The following ZBTB5 variants were observed in gnomAD, a reference collection of about 807,000 sequenced individuals.
The protein encoded by ZBTB5 is zinc finger and BTB domain containing 5, also known as zinc finger and BTB domain-containing protein 5.
ZBTB5 carries 15 observed loss-of-function variants against 37.9 expected under a neutral mutation model. That is an observed-to-expected ratio of 0.40 (90% CI 0.26 to 0.61). ZBTB5 has a LOEUF of 0.61. Among genes scored for constraint, ZBTB5 ranks in the 20% least tolerant of loss-of-function variants. ZBTB5 has a pLI of 0.47. For missense variants in ZBTB5, 708 were observed against 856.8 expected (o/e 0.83, Z 2.17); for synonymous variants, 315 against 312.4 (o/e 1.01, Z -0.09).
At chr9:37,458,155 G>A (rs544160053) in intron 1 of ZBTB5, among the ~76,000 whole-genome samples, 14 of 152,196 alleles carry the variant, frequency 9.2e-5, no homozygotes, top group Non-Finnish European at 1.5e-4. Context: ...ATTGAACTGG[G>A]AAGAAATTAA....
At chr9:37,457,523 C>A (rs1308071409) in intron 1 of ZBTB5, among the ~76,000 whole-genome samples, 8 of 152,356 alleles carry the variant, frequency 5.3e-5, no homozygotes, top group African/African-American at 1.9e-4. Context: ...AGCCACCATG[C>A]CAGCATCATC....
intron 1 of ZBTB5, among the ~76,000 whole-genome samples, chr9:37,444,569 G>C (rs1823942976): frequency 6.6e-6 from 1 of 152,138 alleles, no homozygotes; most frequent in South Asian, 2.1e-4. Context: ...GGCCCAACAA[G>C]TACTCAAAAT....
In ZBTB5 at chr9:37,442,470, T is replaced by C; in HGVS notation, c.82A>G (p.Ile28Val). ...TTAAAGTGTCTATTCCCCACTACAATGACACAATCACAGAGCTGGCCATGA... is the reference window on the plus strand; with the variant it reads ...TTAAAGTGTCTATTCCCCACTACAACGACACAATCACAGAGCTGGCCATGA... ...RLHGQLCDCV[I>V]VVGNRHFKAH... Residue 28 changes from isoleucine (I) to valine (V), a missense_variant, in exon 2 of 2, where the codon ATT (isoleucine) becomes GTT (valine). Around this residue, in one of 3 missense-constraint regions of ZBTB5, gnomAD observed 27 missense variants for 58.4 expected, o/e 0.46. Transcript: ENST00000307750. 2 of 1,614,064 alleles carry C rather than the reference T, an allele frequency of 1.2e-6. No homozygotes were observed. Among genetic ancestry groups the C allele is most frequent in the Non-Finnish European group, 1.7e-6 (2 of 1,180,006 alleles).
intron 1 of ZBTB5, among the ~76,000 whole-genome samples, chr9:37,445,643 CAAAAAAAA>C (rs762452347): frequency 1.9e-5 from 2 of 103,934 alleles, no homozygotes; most frequent in African/African-American, 7.3e-5. Flanking sequence ...GAGACCCTGT[CAAAAAAAA>C]AAAAAGAAAA....
chr9:37,458,725 T>C (rs1215828965), intron 1 of ZBTB5, among the ~76,000 whole-genome samples: 1 of 152,224 alleles, frequency 6.6e-6, no homozygotes, highest in African/African-American at 2.4e-5. Flanking sequence ...GTATAATAAA[T>C]GAGTCAACGT....
At chr9:37,449,796 T>C (rs563849431) in intron 1 of ZBTB5, among the ~76,000 whole-genome samples, 212 of 152,208 alleles carry the variant, frequency 1.4e-3, no homozygotes, top group Non-Finnish European at 2.6e-3. Context: ...AGGTTTTCCT[T>C]TTAATAAAAA....
rs751691549 is a variant in ZBTB5 at position 37,440,886 on chromosome 9, T to C, written c.1666A>G (p.Asn556Asp). Reference protein sequence around the residue: ...TSVRSSQIPENSTSSQLMMNG... With the variant: ...TSVRSSQIPEDSTSSQLMMNG... ...ATCATTAGCTGAGAACTGGTAGAGT[T>C]TTCTGGGATCTGTGAGCTCCTGACG... The change falls in exon 2 of 2, where the codon AAC becomes GAC. Residue 556 changes from asparagine (N) to aspartate (D), a missense_variant. Physicochemically the swap from Asn to Asp is conservative, Grantham distance 23. Coordinates refer to ENST00000307750, the MANE Select transcript of ZBTB5 (RefSeq NM_014872.3). The C allele has an allele frequency of 6.2e-7, 1 of 1,614,102 alleles. No homozygotes were observed. Among genetic ancestry groups the C allele is most frequent in the South Asian group, 1.1e-5 (1 of 91,078 alleles).
At chr9:37,449,978 G>A (rs1824071910) in intron 1 of ZBTB5, among the ~76,000 whole-genome samples, 2 of 152,078 alleles carry the variant, frequency 1.3e-5, no homozygotes, top group Admixed American at 1.3e-4. Context: ...CAAGGGGAAA[G>A]CCCATTTGCA....
intron 1 of ZBTB5, among the ~76,000 whole-genome samples, chr9:37,448,966 C>A (rs1346642823): frequency 6.6e-6 from 1 of 151,540 alleles, no homozygotes; most frequent in East Asian, 1.9e-4. Flanking sequence ...ATCGCTTGAA[C>A]CCAGAAGGCG....
rs1010867516 is a variant in ZBTB5, at chr9:37,438,447, A to G, written c.*2071T>C. 16 of 152,612 alleles carry G rather than the reference A, an allele frequency of 1.0e-4. No homozygotes were observed. Among genetic ancestry groups the G allele is most frequent in the African/African-American group, 3.9e-4 (16 of 41,468 alleles). The allele number at this position is 152,612 out of a possible 1,614,324, so 9.5% of individuals were successfully genotyped here. ...TAGAAACTGACAGACTAAGAGGTAG[A>G]TGAGAGATTCCAGGTTCCATCTAGC... On this transcript the variant is annotated 3_prime_UTR_variant, in exon 2 of 2. Transcript: ENST00000307750.
rs1425136802 is a variant in ZBTB5 at position 37,442,315 on chromosome 9, T to C, written c.237A>G (p.Ala79=). The change falls in exon 2 of 2, where the codon GCA becomes GCG. Residue 79 remains alanine, a synonymous_variant. Transcript: ENST00000307750. ...TGGAGGTATACATCATGTCAATCAG[T>C]GCAGCAAAGGCCTCTGCTGTCACCA... ...SEVVTAEAFA[A]LIDMMYTSTL... 2 of 1,614,190 alleles carry C rather than the reference T, an allele frequency of 1.2e-6. No individual in the cohort carries two copies. The highest frequency in any genetic ancestry group is 8.5e-7 in the Non-Finnish European group (1 of 1,180,028).
chr9:37,442,784 C>T (rs1422252020), intron 1 of ZBTB5, among the ~76,000 whole-genome samples: 1 of 152,200 alleles, frequency 6.6e-6, no homozygotes, highest in Non-Finnish European at 1.5e-5. Context: ...TACCGACAGG[C>T]TCCCCTTTAC....
At chr9:37,460,175 C>T (rs1378904005) in intron 1 of ZBTB5, among the ~76,000 whole-genome samples, 1 of 152,036 alleles carries the variant, frequency 6.6e-6, no homozygotes, top group Non-Finnish European at 1.5e-5. Context: ...CAGTGGCTCA[C>T]GCCTGTAATC....
chr9:37,448,345 A>AT (rs1348155166), intron 1 of ZBTB5, among the ~76,000 whole-genome samples: 3 of 152,242 alleles, frequency 2.0e-5, no homozygotes, highest in Non-Finnish European at 4.4e-5. Flanking sequence ...TGTCTGCATC[A>AT]TAACTATGAT....
intron 1 of ZBTB5, among the ~76,000 whole-genome samples, chr9:37,443,902 G>A (rs2118935767): frequency 6.6e-6 from 1 of 151,568 alleles, no homozygotes; most frequent in Non-Finnish European, 1.5e-5. Flanking sequence ...CTCCAACCTG[G>A]GTGACAGAGT....
chr9:37,448,529 A>T (rs957292279), intron 1 of ZBTB5, among the ~76,000 whole-genome samples: 3 of 149,920 alleles, frequency 2.0e-5, no homozygotes, highest in Non-Finnish European at 3.0e-5. Flanking sequence ...GCATAGTTTT[A>T]CTGAGTAAGA....
At chr9:37,460,313 T>G (rs1824266760) in intron 1 of ZBTB5, among the ~76,000 whole-genome samples, 1 of 152,126 alleles carries the variant, frequency 6.6e-6, no homozygotes, top group Middle Eastern at 3.2e-3. Flanking sequence ...GGTGCATGCC[T>G]GTAATCCCAG....
intron 1 of ZBTB5, among the ~76,000 whole-genome samples, chr9:37,451,680 A>C (rs1824106841): frequency 1.3e-5 from 2 of 152,308 alleles, no homozygotes; most frequent in Middle Eastern, 3.4e-3. Flanking sequence ...CAATTAGAAA[A>C]AACTGTCATT....
At position 37,441,990 on chromosome 9, in the gene ZBTB5, T is replaced by C. The variant is rs1473463103; in HGVS notation, c.562A>G (p.Arg188Gly). ...GACTGCTTGCGCTTATGAAGGCGTC[T>C]CATGGGGAAGGGCGTGCGCTGATCC... The part of the protein sequence containing the change: ...NLDQRTPFPM[R>G]RLHKRKQSAE... Residue 188 changes from arginine (R) to glycine (G), a missense_variant, in exon 2 of 2, where the codon AGA (arginine) becomes GGA (glycine). By Grantham distance (125) the Arg-to-Gly change is moderately radical. Around this residue, in one of 3 missense-constraint regions of ZBTB5, gnomAD observed 639 missense variants for 690.5 expected, o/e 0.93. Coordinates refer to ENST00000307750, the MANE Select transcript of ZBTB5 (RefSeq NM_014872.3). The C allele has an allele frequency of 6.2e-7, 1 of 1,613,908 alleles. No individual in the cohort carries two copies.
Sources: gnomAD v4.1 joint callset for allele counts (sites outside exome capture counted in the v4.1 genomes callset) on GRCh38, gnomAD v4.1.1 for gene constraint, gnomAD v4.1.1 regional missense constraint, MANE v1.5 for transcripts, NCBI Gene and HGNC (gene_info 2026-07-23, HGNC 2026-07-21) for gene names.